The following SPON1 variants were observed in gnomAD, a reference collection of about 807,000 sequenced individuals.
The protein encoded by SPON1 is spondin-1.
SPON1 carries 52 observed loss-of-function variants against 111.7 expected under a neutral mutation model. That is an observed-to-expected ratio of 0.47 (90% CI 0.37 to 0.59). The LOEUF is 0.59. Among genes scored for constraint, SPON1 ranks in the 20% least tolerant of loss-of-function variants. SPON1 has a pLI of 0.00. For missense variants in SPON1, 957 were observed against 1,068.5 expected, an observed-to-expected ratio of 0.90 and a Z score of 1.46; for synonymous variants, 410 against 395.8, an observed-to-expected ratio of 1.04 and a Z score of -0.43.
intron 6 of SPON1, among the ~76,000 whole-genome samples, chr11:14,206,370 T>A (rs1199260786): frequency 6.6e-6 from 1 of 152,146 alleles, no homozygotes; most frequent in Admixed American, 6.5e-5. Context: ...ATTTTTGTAA[T>A]TTTAGTAGAG....
At chr11:14,070,409 C>A (rs1391895624) in intron 3 of SPON1, among the ~76,000 whole-genome samples, 1 of 152,130 alleles carries the variant, frequency 6.6e-6, no homozygotes, top group Non-Finnish European at 1.5e-5. Flanking sequence ...TACTCTCACT[C>A]CTCCTTCCAC....
intron 7 of SPON1, among the ~76,000 whole-genome samples, chr11:14,244,148 G>A (rs1848962240): frequency 1.3e-5 from 2 of 152,052 alleles, no homozygotes; most frequent in African/African-American, 4.8e-5. Flanking sequence ...TTCTCACCTG[G>A]ACCACGTCAC....
chr11:14,091,643 C>T (rs1849058963), intron 5 of SPON1, among the ~76,000 whole-genome samples: 2 of 152,196 alleles, frequency 1.3e-5, no homozygotes, highest in South Asian at 4.1e-4. Context: ...GCCAAGCCCA[C>T]GCCCACCCAG....
intron 7 of SPON1, among the ~76,000 whole-genome samples, chr11:14,253,282 AG>A (rs1849071683): frequency 6.6e-6 from 1 of 152,256 alleles, no homozygotes; most frequent in Non-Finnish European, 1.5e-5. Context: ...ACGATCCTAC[AG>A]TACTTCTCTC....
chr11:14,143,073 C>G (rs1554928946), intron 6 of SPON1, among the ~76,000 whole-genome samples: 1 of 152,226 alleles, frequency 6.6e-6, no homozygotes, highest in Non-Finnish European at 1.5e-5. Flanking sequence ...CTTGGCTTCT[C>G]ACAGCTAGCT....
intron 6 of SPON1, among the ~76,000 whole-genome samples, chr11:14,159,935 G>A (rs2133872905): frequency 6.6e-6 from 1 of 151,976 alleles, no homozygotes; most frequent in African/African-American, 2.4e-5. Context: ...TGGTTAACCG[G>A]TACAAAAACA....
chr11:14,201,312 C>T (rs1442660576), intron 6 of SPON1, among the ~76,000 whole-genome samples: 2 of 151,772 alleles, frequency 1.3e-5, no homozygotes, highest in African/African-American at 4.8e-5. Flanking sequence ...TGCACTCTAG[C>T]CTGGGTGACA....
chr11:13,977,475 TC>T (rs1554909149), intron 1 of SPON1, among the ~76,000 whole-genome samples: 1 of 152,234 alleles, frequency 6.6e-6, no homozygotes, highest in African/African-American at 2.4e-5. Flanking sequence ...TTGGGCACCT[TC>T]TTTTGTGAAG....
intron 3 of SPON1, among the ~76,000 whole-genome samples, chr11:14,042,981 G>A (rs912538867): frequency 6.6e-6 from 1 of 152,144 alleles, no homozygotes; most frequent in Non-Finnish European, 1.5e-5. Flanking sequence ...TCCTTGAGCA[G>A]TTTGGCTCTT....
At chr11:14,255,888 A>G in intron 9 of SPON1, 101 bp downstream of exon 9, 1 of 1,287,356 alleles carries the variant, frequency 7.8e-7, no homozygotes, top group Non-Finnish European at 1.1e-6. Context: ...ACTGGCAGAA[A>G]GCACCTCAGG....
intron 6 of SPON1, among the ~76,000 whole-genome samples, chr11:14,222,140 G>A (rs1848687256): frequency 6.6e-6 from 1 of 152,200 alleles, no homozygotes; most frequent in African/African-American, 2.4e-5. Context: ...AAAGCTTTGT[G>A]TAAGTACAAA....
At chr11:14,070,692 T>C (rs1198953256) in intron 3 of SPON1, among the ~76,000 whole-genome samples, 1 of 152,034 alleles carries the variant, frequency 6.6e-6, no homozygotes, top group Non-Finnish European at 1.5e-5. Context: ...GTTTCTGAGA[T>C]CTCTCTCTCC....
chr11:14,098,103 C>T (rs111288239), intron 5 of SPON1, among the ~76,000 whole-genome samples: 31,156 of 152,202 alleles, frequency 0.2, 3,409 homozygotes, highest in Non-Finnish European at 0.24. Flanking sequence ...TCACACCATT[C>T]TCCTGCCTCA....
At chr11:14,248,968 GTTCC>G (rs1271558670) in intron 7 of SPON1, among the ~76,000 whole-genome samples, 1 of 152,284 alleles carries the variant, frequency 6.6e-6, no homozygotes, top group African/African-American at 2.4e-5. Context: ...TCCTTTCCTA[GTTCC>G]TCCGGTGCCT....
Position 14,265,695 on chromosome 11 carries a change from A to T in SPON1, c.*8A>T, listed in dbSNP as rs1849257968. ...AATGTTCATCCTTGTTAGCAAGGGT[A>T]CGAGTTCCCCAGGGCTGCACTCTAG... On this transcript the variant is annotated 3_prime_UTR_variant, in exon 16 of 16. Coordinates refer to ENST00000576479, the MANE Select transcript of SPON1 (RefSeq NM_006108.4). The T allele has an allele frequency of 6.2e-7, 1 of 1,612,452 alleles. No individual in the cohort carries two copies.
At chr11:14,127,153 G>A (rs946902920) in intron 5 of SPON1, among the ~76,000 whole-genome samples, 21 of 151,946 alleles carry the variant, frequency 1.4e-4, no homozygotes, top group Non-Finnish European at 2.1e-4. Flanking sequence ...CTATTTCATG[G>A]ACTTCAGCCT....
chr11:14,146,517 C>G (rs1051131904), intron 6 of SPON1, among the ~76,000 whole-genome samples: 2 of 151,738 alleles, frequency 1.3e-5, no homozygotes, highest in Non-Finnish European at 2.9e-5. Flanking sequence ...ACCAAATATT[C>G]CCCCCAAAAA....
chr11:14,166,709 T>C (rs1442315944), intron 6 of SPON1, among the ~76,000 whole-genome samples: 1 of 152,186 alleles, frequency 6.6e-6, no homozygotes. Context: ...CAATTAATAA[T>C]GTACACTAAA....
At chr11:13,965,307 G>A (rs1848007644) in intron 1 of SPON1, among the ~76,000 whole-genome samples, 1 of 152,190 alleles carries the variant, frequency 6.6e-6, no homozygotes, top group Non-Finnish European at 1.5e-5. Context: ...GCTAATGCAA[G>A]CCCAGGAAGA....
Sources: gnomAD v4.1 joint callset for allele counts (sites outside exome capture counted in the v4.1 genomes callset) on GRCh38, gnomAD v4.1.1 for gene constraint, MANE v1.5 for transcripts, NCBI Gene and HGNC (gene_info 2026-07-23, HGNC 2026-07-21) for gene names.